The following KCNT1 variants were observed in gnomAD, a reference collection of about 807,000 sequenced individuals.
KCNT1 encodes the protein potassium sodium-activated channel subfamily T member 1.
Under a neutral mutation model 147.8 loss-of-function variants are expected in KCNT1, and 78 were observed. The observed-to-expected ratio is 0.53, with a 90% confidence interval of 0.44 to 0.64. The LOEUF (loss-of-function observed/expected upper bound fraction) is 0.64, where lower values mean the gene tolerates loss of function less well. Ranked by LOEUF, KCNT1 falls within the 30% of genes least tolerant of loss-of-function variation. The pLI, the probability that KCNT1 is intolerant of heterozygous loss-of-function variation, is 0.00. For missense variants in KCNT1, 1,419 were observed against 1,750.3 expected (o/e 0.81, Z 3.38); for synonymous variants, 867 against 748.8 (o/e 1.16, Z -2.58).
At chr9:135,783,879 C>T (rs749229461) in intron 24 of KCNT1, 145 bp from the exon 25 acceptor site, 25 of 658,604 alleles carry the variant, frequency 3.8e-5, no homozygotes, top group East Asian at 8.2e-5. Context: ...ACTGTGTACA[C>T]GTGGACACAC....
intron 2 of KCNT1, among the ~76,000 whole-genome samples, chr9:135,739,784 C>G (rs987313055): frequency 6.6e-6 from 1 of 152,222 alleles, no homozygotes; most frequent in Non-Finnish European, 1.5e-5. Flanking sequence ...CTTTCTCCCC[C>G]ACCCTAGAAT....
chr9:135,792,188 C>T lies in KCNT1; in HGVS notation c.*27C>T, dbSNP rs959013491. The T allele has an allele frequency of 6.3e-6, 10 of 1,596,856 alleles. No homozygotes were observed. The highest frequency in any genetic ancestry group is 1.7e-5 in the Admixed American group (1 of 59,424). On this transcript the variant is annotated 3_prime_UTR_variant, in exon 31 of 31. Coordinates refer to ENST00000371757, the MANE Select transcript of KCNT1 (RefSeq NM_020822.3). ...CCAGCCCTGCACGGAGCTCAGGCCA[C>T]CAAGCCCGGGGTCCTCAGGAAGGAC...
At chr9:135,772,035 G>A (rs1433162120) in intron 18 of KCNT1, among the ~76,000 whole-genome samples, 2 of 152,170 alleles carry the variant, frequency 1.3e-5, no homozygotes, top group Admixed American at 6.5e-5. Context: ...CCGATGCGGA[G>A]CCCACCACCT....
intron 15 of KCNT1, among the ~76,000 whole-genome samples, chr9:135,769,646 A>ACAGGGGT (rs1401047662): frequency 6.6e-6 from 1 of 152,076 alleles, no homozygotes. Flanking sequence ...TGCCCAGGGG[A>ACAGGGGT]CAGGGGTCAG....
rs1175006376 is a variant in KCNT1 at position 135,788,627 on chromosome 9, G to A, written c.3502+2106G>A. On this transcript the variant is annotated intron_variant, in intron 29 of 30. Coordinates refer to ENST00000371757, the MANE Select transcript of KCNT1 (RefSeq NM_020822.3). ...CGAGCCAGGGCCCCGGGAGGAGCTC[G>A]GTGAAGCCTGGGCTGGATGCAGGGG... Among the ~76,000 whole-genome samples, 4 of 152,184 alleles carry A rather than the reference G, an allele frequency of 2.6e-5. No homozygotes were observed. The South Asian group carries it at 6.2e-4, about 24-fold the overall frequency.
chr9:135,732,535 G>A (rs746750372), intron 2 of KCNT1, among the ~76,000 whole-genome samples: 17 of 152,134 alleles, frequency 1.1e-4, no homozygotes, highest in African/African-American at 3.9e-4. Flanking sequence ...ACTGTATGGC[G>A]TGTGGGCTCT....
At position 135,777,355 on chromosome 9, in the gene KCNT1, C is replaced by T; in HGVS notation, c.2367C>T (p.Ser789=). 1 of 1,613,852 alleles carries T rather than the reference C, an allele frequency of 6.2e-7. No homozygotes were observed. Among genetic ancestry groups the T allele is most frequent in the Non-Finnish European group, 8.5e-7 (1 of 1,179,830 alleles). The change falls in exon 21 of 31, where the codon AGC becomes AGT. Residue 789 remains serine, a synonymous_variant. Coordinates refer to ENST00000371757, the MANE Select transcript of KCNT1 (RefSeq NM_020822.3). The stretch of plus-strand genomic sequence containing the variant: ...GCCCCCAGGGCTGCAAGCACAACAG[C>T]TATGAAGACGCCAAGGCCTACGGGT... ...LRLDKGCKHN[S]YEDAKAYGFK...
rs749747344 is a variant in KCNT1 at position 135,757,197 on chromosome 9, G to A, written c.642G>A (p.Leu214=). The A allele has an allele frequency of 2.5e-6, 4 of 1,609,446 alleles. No individual in the cohort carries two copies. Among genetic ancestry groups the A allele is most frequent in the Admixed American group, 1.7e-5 (1 of 59,348 alleles). ...AGATCTTCCGCGTGTCCTTCGTCCT[G>A]GAGATGATCAACACTCTGCCCTTCA... is the stretch of plus-strand genomic sequence containing the variant. ...WEQIFRVSFV[L]EMINTLPFII... The change falls in exon 8 of 31, where the codon CTG becomes CTA. Residue 214 remains leucine (L), a synonymous_variant. Coordinates refer to ENST00000371757, the MANE Select transcript of KCNT1 (RefSeq NM_020822.3).
intron 2 of KCNT1, among the ~76,000 whole-genome samples, chr9:135,740,708 G>A (rs912637545): frequency 6.6e-6 from 1 of 152,236 alleles, no homozygotes; most frequent in African/African-American, 2.4e-5. Flanking sequence ...TGTTGACAGC[G>A]AGCCTGGCCA....
intron 2 of KCNT1, among the ~76,000 whole-genome samples, chr9:135,744,935 C>G (rs1830745131): frequency 6.6e-6 from 1 of 152,202 alleles, no homozygotes; most frequent in Admixed American, 6.5e-5. Flanking sequence ...GTCCTCCCCA[C>G]CAGCCGAAAT....
chr9:135,769,901 G>A (rs778538222), intron 15 of KCNT1, 46 bp from the exon 16 acceptor site: 1 of 1,393,308 alleles, frequency 7.2e-7, no homozygotes, highest in South Asian at 1.2e-5. Context: ...GGGGAGGAGA[G>A]AGCCGGCAGA....
intron 10 of KCNT1, among the ~76,000 whole-genome samples, 194 bp from the exon 11 acceptor site, chr9:135,759,485 C>T (rs562640874): frequency 2.0e-5 from 3 of 152,326 alleles, no homozygotes; most frequent in Admixed American, 6.5e-5. Context: ...GAGGTGGCTC[C>T]GGCAGAGCTT....
In KCNT1 at chr9:135,745,430, C is replaced by A. The variant is rs560225822; in HGVS notation, c.255-4668C>A. 4.6e-5 allele frequency among the ~76,000 whole-genome samples: 7 copies of A among 152,350 alleles called. No homozygotes were observed. In the East Asian group the frequency reaches 1.4e-3, roughly 29 times the overall value. ...TGTGGCCCCACCCGGGGTCCCGCCT[C>A]TGCCCGTGGTCCACACCTGTGGCTT... On this transcript the variant is annotated intron_variant, in intron 2 of 30. Transcript: ENST00000371757.
intron 2 of KCNT1, among the ~76,000 whole-genome samples, chr9:135,738,434 T>C (rs961777796): frequency 2.0e-5 from 3 of 152,130 alleles, no homozygotes; most frequent in African/African-American, 7.2e-5. Flanking sequence ...TTTGTTCTTC[T>C]GGAGTGTGGA....
chr9:135,784,488 T>TCC, intron 25 of KCNT1, 47 bp from the exon 26 acceptor site: 1 of 85,994 alleles, frequency 1.2e-5, no homozygotes, highest in Non-Finnish European at 2.2e-5. Context: ...TGTGGCTCCC[T>TCC]CCCTCCCTCC....
chr9:135,723,858 C>T (rs987589198), intron 2 of KCNT1, among the ~76,000 whole-genome samples: 1 of 152,200 alleles, frequency 6.6e-6, no homozygotes, highest in Non-Finnish European at 1.5e-5. Flanking sequence ...TACCTCATGT[C>T]CTTGAACACC....
In KCNT1 at chr9:135,751,182, G is replaced by T. The variant is rs1831142479; in HGVS notation, c.434+141G>T. ...GGGAGTCCTTCCTTCCCCAGTGCCT[G>T]TCCCAGGATGGAAAAAGCCAAGGAC... On this transcript the variant is annotated intron_variant, in intron 4 of 30. Transcript: ENST00000371757. 7.9e-6 allele frequency: 6 copies of T among 757,720 alleles called. No individual in the cohort carries two copies. The South Asian group carries it at 9.7e-5, about 12-fold the overall frequency. 46.9% of individuals were successfully genotyped at this position (757,720 alleles called of 1,614,324 possible).
chr9:135,744,927 C>A (rs964159983), intron 2 of KCNT1, among the ~76,000 whole-genome samples: 1 of 152,226 alleles, frequency 6.6e-6, no homozygotes, highest in Non-Finnish European at 1.5e-5. Context: ...TGTGCCCCGT[C>A]CTCCCCACCA....
At chr9:135,774,422 G>T (rs1174025958) in intron 19 of KCNT1, among the ~76,000 whole-genome samples, 1 of 142,912 alleles carries the variant, frequency 7.0e-6, no homozygotes, top group Non-Finnish European at 1.5e-5. Flanking sequence ...GTGTGTGTCT[G>T]TGTGTTGTGT....
Sources: gnomAD v4.1 joint callset for allele counts (sites outside exome capture counted in the v4.1 genomes callset) on GRCh38, gnomAD v4.1.1 for gene constraint, MANE v1.5 for transcripts, NCBI Gene and HGNC (gene_info 2026-07-23, HGNC 2026-07-21) for gene names.